Variants in CFAP92 observed in about 807,000 individuals in gnomAD.
CFAP92 encodes uncharacterized protein CFAP92.
A neutral mutation model predicts 106.3 loss-of-function variants in CFAP92; 86 were observed. The observed-to-expected ratio is 0.81, with a 90% confidence interval of 0.68 to 0.97. The LOEUF (loss-of-function observed/expected upper bound fraction) is 0.97, where lower values mean the gene tolerates loss of function less well. Ranked by LOEUF, CFAP92 falls within the 50% of genes least tolerant of loss-of-function variation. The probability of loss-of-function intolerance (pLI) is 0.00; values close to 1 mark genes in which losing one functional copy is unlikely to be tolerated. For synonymous variants in CFAP92, 477 were observed against 506.4 expected, an observed-to-expected ratio of 0.94 and a Z score of 0.78; for missense variants, 1,204 against 1,283.8, an observed-to-expected ratio of 0.94 and a Z score of 0.95.
intron 4 of CFAP92, among the ~76,000 whole-genome samples, chr3:128,982,199 TTCA>T (rs1316916513): frequency 6.6e-6 from 1 of 152,236 alleles, no homozygotes; most frequent in Non-Finnish European, 1.5e-5. Flanking sequence ...TGTAGTTGCC[TTCA>T]TCAGTGATCT....
chr3:129,019,764 CTTTT>C, the CFAP92 span, among the ~76,000 whole-genome samples: 6 of 107,424 alleles, frequency 5.6e-5, no homozygotes, highest in African/African-American at 1.0e-4. Flanking sequence ...ATTAAATTTA[CTTTT>C]TTTTTTTTTT....
chr3:128,932,390 CACACACAT>C (rs1478545110), intron 12 of CFAP92, among the ~76,000 whole-genome samples: 2 of 148,278 alleles, frequency 1.3e-5, no homozygotes, highest in African/African-American at 5.0e-5. Flanking sequence ...CACACACACA[CACACACAT>C]GCCACAGTTC....
upstream of CFAP92, chr3:129,003,757 G>T (rs1381479477): frequency 1.1e-4 from 154 of 1,356,278 alleles, no homozygotes; most frequent in Non-Finnish European, 1.4e-4. Flanking sequence ...TCTGGCTGGG[G>T]CACTTACCCC....
chr3:128,993,993 C>T lies in CFAP92; in HGVS notation c.-46G>A. On this transcript the variant is annotated 5_prime_UTR_variant, in exon 1 of 16. Transcript: ENST00000645291. ...TGCTGGCGGTACCTGCGAGCGGATG[C>T]GCTGGGCGGCAGCGGGGAGTTGGAC... 3.0e-6 allele frequency: 3 copies of T among 987,314 alleles called. No individual in the cohort carries two copies. Among genetic ancestry groups the T allele is most frequent in the Non-Finnish European group, 3.6e-6 (3 of 830,960 alleles). The allele number at this position is 987,314 out of a possible 1,614,324, so 61.2% of individuals were successfully genotyped here.
chr3:128,990,163 G>A (rs1944125643), intron 2 of CFAP92, among the ~76,000 whole-genome samples: 1 of 152,218 alleles, frequency 6.6e-6, no homozygotes, highest in East Asian at 1.9e-4. Flanking sequence ...ATGGAATACT[G>A]TTAATATATA....
In CFAP92 at chr3:128,935,286, C is replaced by T. The variant is rs778957689; in HGVS notation, c.2292G>A (p.Val764=). ...GGAACAGCAGCTGTGAGTTGTACAG[C>T]ACCTTGTATTTCCTGTGTTCTGACC... ...IPRSEHRKYK[V]LYNSQLLFRS... Residue 764 remains valine (V), a synonymous_variant, in exon 11 of 16, where the codon GTG becomes GTA. Transcript: ENST00000645291. 72 of 1,531,342 alleles carry T rather than the reference C, an allele frequency of 4.7e-5. No homozygotes were observed. The highest frequency in any genetic ancestry group is 5.7e-5 in the Non-Finnish European group (65 of 1,143,814). The allele number at this position is 1,531,342 out of a possible 1,614,324, so 94.9% of individuals were successfully genotyped here.
At chr3:128,982,524 G>A (rs188843119) in intron 4 of CFAP92, among the ~76,000 whole-genome samples, 62 of 152,308 alleles carry the variant, frequency 4.1e-4, no homozygotes, top group Non-Finnish European at 7.6e-4. Flanking sequence ...GTTCACTGGA[G>A]TAGCACGTTT....
At chr3:128,982,995 A>G (rs1208035920) in intron 4 of CFAP92, among the ~76,000 whole-genome samples, 1 of 152,248 alleles carries the variant, frequency 6.6e-6, no homozygotes, top group African/African-American at 2.4e-5. Flanking sequence ...AAAATGTGAC[A>G]GAGACACAAA....
intron 4 of CFAP92, 134 bp from the exon 5 acceptor site, chr3:128,978,319 T>A: frequency 1.2e-6 from 1 of 829,594 alleles, no homozygotes; most frequent in South Asian, 1.8e-5. Context: ...CACAATAAAG[T>A]GAGTCATACA....
intron 4 of CFAP92, among the ~76,000 whole-genome samples, chr3:128,980,386 A>G (rs1943455436): frequency 7.1e-6 from 1 of 141,432 alleles, no homozygotes; most frequent in Non-Finnish European, 1.5e-5. Flanking sequence ...AAAAAAAAAA[A>G]AGCTAACACT....
rs897616595 is a variant in CFAP92 at position 128,910,272 on chromosome 3, C to T, written c.*27G>A. 28 of 1,532,416 alleles carry T rather than the reference C, an allele frequency of 1.8e-5. No homozygotes were observed. The highest frequency in any genetic ancestry group is 8.2e-5 in the African/African-American group (6 of 73,526). The allele number at this position is 1,532,416 out of a possible 1,614,324, so 94.9% of individuals were successfully genotyped here. ...GGGGAGGCTGTGCAGGTTCACCATG[C>T]GGTGGCCGTGGGAGGGTCTGTGCTG... On this transcript the variant is annotated 3_prime_UTR_variant, in exon 16 of 16. Coordinates refer to ENST00000645291, the MANE Select transcript of CFAP92 (RefSeq NM_001394090.1).
chr3:128,942,916 CT>C (rs36073693), intron 10 of CFAP92, among the ~76,000 whole-genome samples: 5,070 of 84,888 alleles, frequency 0.06, 186 homozygotes, highest in African/African-American at 0.23. Flanking sequence ...AAAACTCAAC[CT>C]TTTTTTTTTT....
Position 128,993,450 on chromosome 3 carries a change from C to A in CFAP92, c.-32-114G>T, listed in dbSNP as rs142893634. 94 of 1,112,830 alleles carry A rather than the reference C, an allele frequency of 8.4e-5. No homozygotes were observed. The African/African-American group carries it at 1.3e-3, about 15-fold the overall frequency. 68.9% of individuals were successfully genotyped at this position (1,112,830 alleles called of 1,614,324 possible). A position where few individuals can be genotyped will look rare whatever the true frequency, so the allele number is the denominator to read the frequency against. The stretch of plus-strand genomic sequence containing the variant: ...TTCTCTTCCCTGCTTCCCCCGCCTG[C>A]TCCTAGATGAACGCCGGGGCTCCTT... On this transcript the variant is annotated intron_variant, in intron 1 of 15. Transcript: ENST00000645291.
intron 12 of CFAP92, 42 bp downstream of exon 12, chr3:128,932,658 G>A (rs1938527701): frequency 2.0e-6 from 3 of 1,507,046 alleles, no homozygotes; most frequent in South Asian, 1.3e-5. Context: ...GACCGCCCAG[G>A]TGAGGCCTGG....
chr3:128,961,172 A>G (rs1182863974), intron 9 of CFAP92, among the ~76,000 whole-genome samples: 1 of 152,168 alleles, frequency 6.6e-6, no homozygotes, highest in Non-Finnish European at 1.5e-5. Context: ...AAATTTTTCC[A>G]TCCTGCAAGA....
intron 8 of CFAP92, chr3:128,968,274 A>G (rs1012539892): frequency 1.3e-5 from 2 of 152,206 alleles, no homozygotes; most frequent in Admixed American, 6.5e-5. Context: ...CTTTTAAAAT[A>G]AGAGCTCATT....
chr3:129,002,159 C>T (rs1174300527), intron 1 of CFAP92: 1 of 1,471,662 alleles, frequency 6.8e-7, no homozygotes. Context: ...TCCGCCTGCG[C>T]CGTCCGCGCC....
chr3:129,022,430 T>TCTGGAGC, the CFAP92 span, among the ~76,000 whole-genome samples: 1 of 152,100 alleles, frequency 6.6e-6, no homozygotes, highest in Admixed American at 6.6e-5. Context: ...TACATGAAGA[T>TCTGGAGC]CTGGAGCCAG....
chr3:128,931,490 T>C (rs922965458), intron 12 of CFAP92, among the ~76,000 whole-genome samples: 2 of 143,154 alleles, frequency 1.4e-5, no homozygotes, highest in African/African-American at 5.3e-5. Flanking sequence ...TATATGTATG[T>C]ATGTATATGT....
Sources: gnomAD v4.1 joint callset for allele counts (sites outside exome capture counted in the v4.1 genomes callset) on GRCh38, gnomAD v4.1.1 for gene constraint, MANE v1.5 for transcripts, NCBI Gene and HGNC (gene_info 2026-07-23, HGNC 2026-07-21) for gene names.